The following PLSCR5 variants were observed in gnomAD, a reference collection of about 807,000 sequenced individuals.
PLSCR5 encodes the protein phospholipid scramblase family, member 5.
In PLSCR5, 44 loss-of-function variants were observed where a neutral mutation model predicts 33.6. The observed-to-expected ratio is 1.31, with a 90% CI of 1.03 to 1.69. The LOEUF (loss-of-function observed/expected upper bound fraction) is 1.69. PLSCR5 is among the 40% of genes most tolerant of loss of function. The pLI, the probability that PLSCR5 is intolerant of heterozygous loss-of-function variation, is 0.00. For synonymous variants in PLSCR5, 148 were observed against 112.3 expected (o/e 1.32, Z -2.01); for missense variants, 375 against 318.7 (o/e 1.18, Z -1.34).
In PLSCR5 at chr3:146,594,008, C is replaced by T. The variant is rs2044736762; in HGVS notation, c.365G>A (p.Arg122Lys). 6.2e-7 allele frequency: 1 copy of T among 1,613,720 alleles called. No individual in the cohort carries two copies. The highest frequency in any genetic ancestry group is 1.7e-5 in the Admixed American group (1 of 59,956). The change falls in exon 4 of 8, where the codon AGG becomes AAG. Residue 122 changes from arginine (R) to lysine (K), a missense_variant. Physicochemically the swap from Arg to Lys is conservative, Grantham distance 26. Transcript: ENST00000443512. ...FCSTLRSCTLRITDNSGREVI... is the reference protein window; with the variant it reads ...FCSTLRSCTLKITDNSGREVI... ...CTCTCGACCTGAGTTATCTGTGATCCTCAGGGTGCAAGATCGCAGAGTGGA... is the reference window on the plus strand; with the variant it reads ...CTCTCGACCTGAGTTATCTGTGATCTTCAGGGTGCAAGATCGCAGAGTGGA...
chr3:146,604,218 T>C (rs2107861995), intron 1 of PLSCR5, among the ~76,000 whole-genome samples: 1 of 152,236 alleles, frequency 6.6e-6, no homozygotes, highest in East Asian at 1.9e-4. Context: ...AGTGGTTCAT[T>C]CTGACAATGA....
intron 5 of PLSCR5, 56 bp downstream of exon 5, chr3:146,591,664 G>A: frequency 6.6e-7 from 1 of 1,506,638 alleles, no homozygotes; most frequent in East Asian, 2.4e-5. Context: ...ATTGAATTAT[G>A]TTGCAAAAAA....
At chr3:146,585,516 A>T (rs1439109092), downstream of PLSCR5, among the ~76,000 whole-genome samples, 1 of 152,078 alleles carries the variant, frequency 6.6e-6, no homozygotes, top group Admixed American at 6.6e-5. Flanking sequence ...CCAACTTTTA[A>T]CTTTTCCAGT....
At chr3:146,601,199 G>A (rs905575925) in intron 1 of PLSCR5, among the ~76,000 whole-genome samples, 1 of 151,708 alleles carries the variant, frequency 6.6e-6, no homozygotes, top group African/African-American at 2.4e-5. Context: ...AAATTTGGGG[G>A]TTTGTTATTT....
intron 1 of PLSCR5, among the ~76,000 whole-genome samples, chr3:146,604,442 C>T (rs343338): frequency 0.73 from 110,969 of 151,986 alleles, 40,624 homozygotes; most frequent in African/African-American, 0.77. Flanking sequence ...GCGCTTAAAG[C>T]AGATATTTTC....
Position 146,585,838 on chromosome 3 carries a change from T to C in PLSCR5, c.*149A>G, listed in dbSNP as rs2044661646. On this transcript the variant is annotated 3_prime_UTR_variant, in exon 8 of 8. Coordinates refer to ENST00000443512, the MANE Select transcript of PLSCR5 (RefSeq NM_001085420.2). Reference sequence around the variant, plus strand: ...TATCATGCATTCACAACTAGATAATTGCCTCATTAAACTGTTTTAATAAAT... The same window carrying C: ...TATCATGCATTCACAACTAGATAATCGCCTCATTAAACTGTTTTAATAAAT... 1 of 324,342 alleles carries C rather than the reference T, an allele frequency of 3.1e-6. No individual in the cohort carries two copies. The highest frequency in any genetic ancestry group is 5.4e-5 in the Admixed American group (1 of 18,680). 20.1% of individuals were successfully genotyped at this position (324,342 alleles called of 1,614,324 possible). A position where few individuals can be genotyped will look rare whatever the true frequency, so the allele number is the denominator to read the frequency against.
intron 7 of PLSCR5, among the ~76,000 whole-genome samples, chr3:146,580,706 G>T (rs188053333): frequency 6.6e-6 from 1 of 151,992 alleles, no homozygotes; most frequent in Non-Finnish European, 1.5e-5. Flanking sequence ...CAGGCAAGCC[G>T]CCCGCCTTGG....
intron 6 of PLSCR5, among the ~76,000 whole-genome samples, chr3:146,589,366 T>C (rs750392111): frequency 3.9e-5 from 6 of 152,128 alleles, no homozygotes; most frequent in Admixed American, 2.0e-4. Context: ...AAATCTAAAT[T>C]GAACGTAAAA....
intron 6 of PLSCR5, among the ~76,000 whole-genome samples, chr3:146,586,600 G>A (rs2044667909): frequency 6.6e-6 from 1 of 152,128 alleles, no homozygotes; most frequent in Non-Finnish European, 1.5e-5. Flanking sequence ...TATTACCAGA[G>A]ATAATGTGGT....
intron 6 of PLSCR5, among the ~76,000 whole-genome samples, chr3:146,588,944 T>A (rs2044687250): frequency 7.4e-6 from 1 of 135,994 alleles, no homozygotes; most frequent in Non-Finnish European, 1.7e-5. Context: ...TGTGTTTATA[T>A]ATCAACAAAT....
intron 2 of PLSCR5, among the ~76,000 whole-genome samples, chr3:146,598,292 A>T (rs545435628): frequency 1.3e-3 from 199 of 152,278 alleles, no homozygotes; most frequent in Non-Finnish European, 2.5e-3. Flanking sequence ...TTGGCATCTA[A>T]AAATTCATTT....
intron 2 of PLSCR5, among the ~76,000 whole-genome samples, chr3:146,597,418 C>A (rs1375264738): frequency 6.6e-6 from 1 of 152,146 alleles, no homozygotes; most frequent in Non-Finnish European, 1.5e-5. Flanking sequence ...GCATTCTATT[C>A]TGTTTCTTTA....
intron 4 of PLSCR5, among the ~76,000 whole-genome samples, chr3:146,592,375 C>G (rs1238779910): frequency 6.6e-6 from 1 of 152,038 alleles, no homozygotes; most frequent in Non-Finnish European, 1.5e-5. Context: ...ATGCTTCTTG[C>G]AGAGTTATAG....
At chr3:146,596,451 A>T (rs189463810) in intron 2 of PLSCR5, among the ~76,000 whole-genome samples, 6 of 152,150 alleles carry the variant, frequency 3.9e-5, no homozygotes, top group Non-Finnish European at 8.8e-5. Context: ...TCAGCCTCCC[A>T]AAGTGCTGGC....
chr3:146,595,944 T>G (rs1314431935), intron 2 of PLSCR5, among the ~76,000 whole-genome samples: 1 of 152,172 alleles, frequency 6.6e-6, no homozygotes, highest in African/African-American at 2.4e-5. Context: ...CACTTTCCTT[T>G]GGACTAAAAA....
chr3:146,598,560 T>A (rs2044782910), intron 2 of PLSCR5, among the ~76,000 whole-genome samples: 1 of 152,212 alleles, frequency 6.6e-6, no homozygotes, highest in African/African-American at 2.4e-5. Context: ...CTCTACTTAT[T>A]GAACACAACA....
intron 4 of PLSCR5, among the ~76,000 whole-genome samples, chr3:146,593,306 C>T (rs1256919396): frequency 1.3e-5 from 2 of 152,076 alleles, no homozygotes; most frequent in Non-Finnish European, 2.9e-5. Context: ...GTATCAAAGC[C>T]AGTAAAGTAA....
chr3:146,600,214 T>C, intron 2 of PLSCR5, 74 bp downstream of exon 2: 1 of 1,155,372 alleles, frequency 8.7e-7, no homozygotes, highest in Non-Finnish European at 1.1e-6. Flanking sequence ...CAACCTTGAT[T>C]GAAAAGCCAG....
At chr3:146,578,328 C>T (rs1467985631) in intron 7 of PLSCR5, among the ~76,000 whole-genome samples, 2 of 151,870 alleles carry the variant, frequency 1.3e-5, no homozygotes, top group African/African-American at 2.4e-5. Context: ...AGAATAACAC[C>T]ACAGATATAC....
Sources: allele counts gnomAD v4.1 joint callset (sites outside exome capture counted in the v4.1 genomes callset), GRCh38; gene constraint gnomAD v4.1.1; transcripts MANE v1.5; gene names NCBI Gene and HGNC (gene_info 2026-07-23, HGNC 2026-07-21).